Variants in ZNF273 observed in about 807,000 individuals in gnomAD.
The protein encoded by ZNF273 is zinc finger protein 273.
Under a neutral mutation model 14.9 loss-of-function variants are expected in ZNF273, and 11 were observed. The ratio of observed to expected loss-of-function variants is 0.74; its 90% confidence interval spans 0.46 to 1.22. ZNF273 has a LOEUF of 1.22. Ranked by LOEUF, ZNF273 falls within the 50% of genes most tolerant of loss-of-function variation. The probability of loss-of-function intolerance (pLI) is 0.00; values close to 1 mark genes in which losing one functional copy is unlikely to be tolerated. For missense variants in ZNF273, 577 were observed against 660.6 expected, an observed-to-expected ratio of 0.87 and a Z score of 1.39; for synonymous variants, 199 against 223.9, an observed-to-expected ratio of 0.89 and a Z score of 0.99.
At chr7:64,909,836 T>TCGG (rs2129064417) in intron 1 of ZNF273, among the ~76,000 whole-genome samples, 1 of 142,856 alleles carries the variant, frequency 7.0e-6, no homozygotes, top group African/African-American at 3.0e-5. Flanking sequence ...GCAAGCATCG[T>TCGG]TTTTTTTTGT....
At position 64,928,323 on chromosome 7, in the gene ZNF273, C is replaced by A; in HGVS notation, c.995C>A (p.Thr332Asn). 1 of 1,613,544 alleles carries A rather than the reference C, an allele frequency of 6.2e-7. No individual in the cohort carries two copies. Among genetic ancestry groups the A allele is most frequent in the Non-Finnish European group, 8.5e-7 (1 of 1,179,774 alleles). Reference protein sequence around the residue: ...ECGKGFSIFSTLTKHKIIHTG... With the variant: ...ECGKGFSIFSNLTKHKIIHTG... ...GGCAAAGGCTTTAGTATATTCTCAA[C>A]CCTTACTAAACATAAGATAATTCAT... Residue 332 changes from threonine to asparagine, a missense_variant, in exon 4 of 4, where the codon ACC becomes AAC. This residue lies in a region of ZNF273 where 411 missense variants were observed against 440.4 expected (regional missense o/e 0.93). Transcript: ENST00000476120.
At chr7:64,931,464 A>G (rs563141016), downstream of ZNF273, among the ~76,000 whole-genome samples, 2 of 152,218 alleles carry the variant, frequency 1.3e-5, no homozygotes, top group South Asian at 4.1e-4. Context: ...TTTTTTTTAT[A>G]AAATTTAGTA....
downstream of ZNF273, among the ~76,000 whole-genome samples, chr7:64,935,396 A>G (rs1795051689): frequency 6.6e-6 from 1 of 151,700 alleles, no homozygotes; most frequent in Admixed American, 6.6e-5. Context: ...TTAGCTGTGC[A>G]TTTTTTTTGG....
chr7:64,931,024 C>T (rs955557216), downstream of ZNF273: 100 of 152,074 alleles, frequency 6.6e-4, no homozygotes, highest in African/African-American at 2.2e-3. Context: ...TAACATGTGG[C>T]CTCTTTGCCT....
In ZNF273 at chr7:64,927,983, T is replaced by C. The variant is rs1794845661; in HGVS notation, c.655T>C (p.Ser219Pro). 1.5e-5 allele frequency: 25 copies of C among 1,614,024 alleles called. No homozygotes were observed. Among genetic ancestry groups the C allele is most frequent in the Non-Finnish European group, 2.1e-5 (25 of 1,179,952 alleles). The change falls in exon 4 of 4, where the codon TCA (serine) becomes CCA (proline). Residue 219 changes from serine to proline, a missense_variant. Physicochemically the swap from Ser to Pro is moderately conservative, Grantham distance 74. This residue lies in a region of ZNF273 where 411 missense variants were observed against 440.4 expected (regional missense o/e 0.93). Transcript: ENST00000476120. The part of the protein sequence containing the change: ...KECGKSCCIL[S>P]QLTQHKKTAT... ...ATGTGGCAAATCATGTTGCATACTTTCACAACTAACTCAGCATAAGAAAAC... is the reference window on the plus strand; with the variant it reads ...ATGTGGCAAATCATGTTGCATACTTCCACAACTAACTCAGCATAAGAAAAC...
At chr7:64,914,004 C>T (rs62455123) in intron 1 of ZNF273, among the ~76,000 whole-genome samples, 5,914 of 151,310 alleles carry the variant, frequency 0.039, 181 homozygotes, top group East Asian at 0.15. Flanking sequence ...AAGTAATTGT[C>T]GTTTTCGCCT....
chr7:64,885,361 G>T (rs1402078774), intron 1 of ZNF273, among the ~76,000 whole-genome samples: 1 of 152,208 alleles, frequency 6.6e-6, no homozygotes, highest in Non-Finnish European at 1.5e-5. Context: ...GGATCAGACA[G>T]AAAACAGAAA....
At chr7:64,889,484 G>C (rs1054178728), downstream of ZNF273, 3 of 985,824 alleles carry the variant, frequency 3.0e-6, no homozygotes, top group African/African-American at 1.7e-5. This position sits in a 1 kb window ranked among gnomAD's most constrained non-coding sequence, Gnocchi z 4.2. Flanking sequence ...CGGGACGCCA[G>C]GTTCCCGGTT....
chr7:64,916,206 C>T (rs369658040), intron 1 of ZNF273, among the ~76,000 whole-genome samples: 18 of 151,748 alleles, frequency 1.2e-4, no homozygotes, highest in East Asian at 5.9e-4. Flanking sequence ...GAGAAAACTG[C>T]TCTCTACGGT....
downstream of ZNF273, among the ~76,000 whole-genome samples, chr7:64,933,982 A>G (rs1252988173): frequency 6.6e-6 from 1 of 152,162 alleles, no homozygotes; most frequent in African/African-American, 2.4e-5. Context: ...CTGTACAGAA[A>G]AATCTTTTGA....
chr7:64,894,999 T>G (rs111967145), intron 3 of ZNF273, among the ~76,000 whole-genome samples: 1 of 151,032 alleles, frequency 6.6e-6, no homozygotes. Context: ...TAGCTGGGCA[T>G]GGCAGCGTGT....
chr7:64,929,687 T>C lies in ZNF273; in HGVS notation c.*649T>C, dbSNP rs1794931891. The C allele has an allele frequency of 6.6e-6, 1 of 152,220 alleles. No homozygotes were observed. The highest frequency in any genetic ancestry group is 6.5e-5 in the Admixed American group (1 of 15,274). The allele number at this position is 152,220 out of a possible 1,614,324, so 9.4% of individuals were successfully genotyped here. ...TCAGAGTGCTGAGTACAGAAAGTTATCCAAAACAAAAGTTGGTAGATAACT... is the reference window on the plus strand; with the variant it reads ...TCAGAGTGCTGAGTACAGAAAGTTACCCAAAACAAAAGTTGGTAGATAACT... On this transcript the variant is annotated 3_prime_UTR_variant, in exon 4 of 4. Coordinates refer to ENST00000476120, the MANE Select transcript of ZNF273 (RefSeq NM_021148.3).
intron 1 of ZNF273, chr7:64,917,182 A>G (rs1373978943): frequency 4.8e-6 from 5 of 1,044,804 alleles, no homozygotes; most frequent in Admixed American, 2.9e-5. Flanking sequence ...GAAAATCTGC[A>G]TAACAAGATC....
the ZNF273 span, among the ~76,000 whole-genome samples, chr7:64,936,479 A>T: frequency 4.6e-5 from 7 of 152,184 alleles, no homozygotes; most frequent in African/African-American, 1.7e-4. Context: ...GTTCAGAGGG[A>T]TTACTGGGAA....
At chr7:64,885,914 A>T (rs893454709) in intron 1 of ZNF273, among the ~76,000 whole-genome samples, 2 of 152,226 alleles carry the variant, frequency 1.3e-5, no homozygotes, top group Non-Finnish European at 2.9e-5. Context: ...TCATTACTCA[A>T]ATTCTCACAG....
chr7:64,904,178 T>A lies in ZNF273; in HGVS notation c.102+759T>A, dbSNP rs114932931. Among the ~76,000 whole-genome samples the A allele has an allele frequency of 9.2e-3, 1,395 of 152,158 alleles. 15 individuals are homozygous for A. The highest frequency in any genetic ancestry group is 0.032 in the African/African-American group (1,324 of 41,506). ...ATCTCGGCTCACTGCAACCAACGCCTCCCGGGTTCATGCAATTCTCCTGCT... is the reference window on the plus strand; with the variant it reads ...ATCTCGGCTCACTGCAACCAACGCCACCCGGGTTCATGCAATTCTCCTGCT... On this transcript the variant is annotated intron_variant, in intron 1 of 3. Transcript: ENST00000476120.
At chr7:64,914,743 G>T (rs1000512907) in intron 1 of ZNF273, among the ~76,000 whole-genome samples, 2 of 152,106 alleles carry the variant, frequency 1.3e-5, no homozygotes, top group African/African-American at 4.8e-5. Flanking sequence ...GAACAGAAAC[G>T]GGCGGGCTTT....
intron 1 of ZNF273, among the ~76,000 whole-genome samples, chr7:64,914,945 T>C (rs1466536409): frequency 1.5e-5 from 2 of 132,750 alleles, no homozygotes; most frequent in African/African-American, 5.6e-5. Context: ...TTTTTTTAGC[T>C]AAACATGTCT....
intron 1 of ZNF273, among the ~76,000 whole-genome samples, chr7:64,885,743 G>A (rs1231977328): frequency 2.0e-5 from 3 of 152,162 alleles, no homozygotes; most frequent in South Asian, 2.1e-4. Flanking sequence ...GCCCGCCCAC[G>A]GAAAAGCTTC....
Sources: gnomAD v4.1 joint callset for allele counts (sites outside exome capture counted in the v4.1 genomes callset) on GRCh38, gnomAD v4.1.1 for gene constraint, gnomAD v4.1.1 regional missense constraint, Gnocchi (gnomAD v3.1) non-coding constraint, MANE v1.5 for transcripts, NCBI Gene and HGNC (gene_info 2026-07-23, HGNC 2026-07-21) for gene names.